Variants in SLC24A4 observed in about 807,000 individuals in gnomAD.
The protein encoded by SLC24A4 is sodium/potassium/calcium exchanger 4.
A neutral mutation model predicts 79.0 loss-of-function variants in SLC24A4; 53 were observed. The observed-to-expected ratio is 0.67, with a 90% CI of 0.54 to 0.84. SLC24A4 has a LOEUF of 0.84. Among genes scored for constraint, SLC24A4 ranks in the 40% least tolerant of loss-of-function variants. SLC24A4 has a pLI of 0.00. For missense variants in SLC24A4, 731 were observed against 822.0 expected, an observed-to-expected ratio of 0.89 and a Z score of 1.35; for synonymous variants, 323 against 323.8, an observed-to-expected ratio of 1.00 and a Z score of 0.03.
intron 2 of SLC24A4, among the ~76,000 whole-genome samples, chr14:92,391,368 C>T (rs1400533452): frequency 3.9e-5 from 6 of 152,168 alleles, no homozygotes; most frequent in African/African-American, 9.7e-5. Flanking sequence ...TGTGCCAACC[C>T]CAGGGTCTCC....
chr14:92,483,632 C>T (rs931839386), intron 13 of SLC24A4: 17 of 804,758 alleles, frequency 2.1e-5, no homozygotes, highest in African/African-American at 1.8e-4. Context: ...AACCTTTCAT[C>T]GGCTGGGCTG....
chr14:92,420,614 C>T (rs1389308298), intron 2 of SLC24A4, among the ~76,000 whole-genome samples: 1 of 152,200 alleles, frequency 6.6e-6, no homozygotes. Flanking sequence ...ACATCATGAT[C>T]AACAGCAGTA....
chr14:92,351,510 A>G (rs1473753937), intron 2 of SLC24A4, among the ~76,000 whole-genome samples: 1 of 152,242 alleles, frequency 6.6e-6, no homozygotes, highest in African/African-American at 2.4e-5. Flanking sequence ...CCACTAAATG[A>G]GCAAGACACA....
intron 2 of SLC24A4, among the ~76,000 whole-genome samples, chr14:92,414,505 G>A (rs534598181): frequency 6.6e-6 from 1 of 152,348 alleles, no homozygotes; most frequent in Admixed American, 6.5e-5. Context: ...GGAGGCCAAA[G>A]TGGGAGGATC....
chr14:92,382,843 C>T (rs1217421086), intron 2 of SLC24A4, among the ~76,000 whole-genome samples: 1 of 152,192 alleles, frequency 6.6e-6, no homozygotes, highest in Non-Finnish European at 1.5e-5. Context: ...CCCTGGGCAC[C>T]CTGCCCTCCA....
At chr14:92,363,184 G>A (rs1015174885) in intron 2 of SLC24A4, among the ~76,000 whole-genome samples, 4 of 152,328 alleles carry the variant, frequency 2.6e-5, no homozygotes, top group South Asian at 2.1e-4. Context: ...CTTCCAGCCC[G>A]TGCCTCGAGG....
intron 2 of SLC24A4, among the ~76,000 whole-genome samples, chr14:92,345,986 C>T (rs1365246891): frequency 6.6e-6 from 1 of 151,992 alleles, no homozygotes; most frequent in East Asian, 1.9e-4. Context: ...GCTTGGGGAC[C>T]TAAAATCAGG....
chr14:92,447,272 A>C, intron 8 of SLC24A4, 99 bp from the exon 9 acceptor site: 1 of 1,068,286 alleles, frequency 9.4e-7, no homozygotes, highest in Non-Finnish European at 1.4e-6. Context: ...CGGGGGAGGT[A>C]AAGACATCCC....
At chr14:92,458,262 CAG>C (rs1893596535) in intron 12 of SLC24A4, among the ~76,000 whole-genome samples, 1 of 152,206 alleles carries the variant, frequency 6.6e-6, no homozygotes, top group South Asian at 2.1e-4. Flanking sequence ...AGAGCAGACT[CAG>C]AAAATGAAAT....
rs77125341 is a variant in SLC24A4 at position 92,466,710 on chromosome 14, C to T, written c.1255+10102C>T. ...GCTCTAATCTGACAGTTGACACCTG[C>T]CCACTGGTAAGTAGCAGAGGGACTT... is the stretch of plus-strand genomic sequence containing the variant. On this transcript the variant is annotated intron_variant, in intron 12 of 16. Transcript: ENST00000532405. 3.8e-3 allele frequency among the ~76,000 whole-genome samples: 576 copies of T among 152,276 alleles called. 3 individuals are homozygous for T. The highest frequency in any genetic ancestry group is 0.013 in the African/African-American group (556 of 41,546).
chr14:92,349,584 T>G (rs1186215760), intron 2 of SLC24A4, among the ~76,000 whole-genome samples: 1 of 152,236 alleles, frequency 6.6e-6, no homozygotes, highest in Non-Finnish European at 1.5e-5. Flanking sequence ...TCACCTTGTT[T>G]TCTTTCCCCA....
chr14:92,396,632 C>G (rs1384419120), intron 2 of SLC24A4, among the ~76,000 whole-genome samples: 1 of 152,226 alleles, frequency 6.6e-6, no homozygotes, highest in African/African-American at 2.4e-5. Flanking sequence ...CCTGCTGCTG[C>G]TTTGCCGCAA....
intron 2 of SLC24A4, among the ~76,000 whole-genome samples, chr14:92,428,498 G>A (rs1229833207): frequency 2.0e-5 from 3 of 152,224 alleles, no homozygotes; most frequent in Non-Finnish European, 2.9e-5. Flanking sequence ...CACAACATAT[G>A]AGGAAGGAGG....
intron 2 of SLC24A4, among the ~76,000 whole-genome samples, chr14:92,422,169 C>T (rs1273773206): frequency 2.3e-4 from 35 of 152,202 alleles, no homozygotes; most frequent in Non-Finnish European, 2.9e-5. Context: ...TTTTCAGAAT[C>T]TAGAACAGTG....
chr14:92,383,596 G>A (rs554048338), intron 2 of SLC24A4, among the ~76,000 whole-genome samples: 12 of 152,288 alleles, frequency 7.9e-5, no homozygotes, highest in Non-Finnish European at 1.5e-4. Flanking sequence ...TAGTGCCAAC[G>A]TGCTTGCTTC....
rs905634660 is a variant in SLC24A4, at chr14:92,497,295, A to G, written c.*3667A>G. The G allele has an allele frequency of 8.5e-5, 13 of 152,266 alleles. No individual in the cohort carries two copies. The highest frequency in any genetic ancestry group is 2.6e-4 in the Admixed American group (4 of 15,286). 9.4% of individuals were successfully genotyped at this position (152,266 alleles called of 1,614,324 possible). On this transcript the variant is annotated 3_prime_UTR_variant, in exon 17 of 17. Transcript: ENST00000532405. ...ACCAAAGGCCGTTCCTGGGCGGCCCAAGGTCCAGGTTTCTTCCACCTGCTC... is the reference window on the plus strand; with the variant it reads ...ACCAAAGGCCGTTCCTGGGCGGCCCGAGGTCCAGGTTTCTTCCACCTGCTC...
At chr14:92,390,714 G>A (rs1243666402) in intron 2 of SLC24A4, among the ~76,000 whole-genome samples, 1 of 152,130 alleles carries the variant, frequency 6.6e-6, no homozygotes, top group Non-Finnish European at 1.5e-5. Flanking sequence ...AGGCCGGCTG[G>A]CAGCATTTTA....
At chr14:92,439,059 T>C (rs1023668554) in intron 3 of SLC24A4, among the ~76,000 whole-genome samples, 1 of 152,220 alleles carries the variant, frequency 6.6e-6, no homozygotes, top group African/African-American at 2.4e-5. Context: ...AGACCAAATA[T>C]ATGTTTCTTA....
At chr14:92,483,342 A>G (rs1895168859) in intron 13 of SLC24A4, among the ~76,000 whole-genome samples, 1 of 152,180 alleles carries the variant, frequency 6.6e-6, no homozygotes, top group Admixed American at 6.5e-5. Context: ...TAACAGCCCC[A>G]TGGGATGGGT....
Sources: allele counts gnomAD v4.1 joint callset (sites outside exome capture counted in the v4.1 genomes callset), GRCh38; gene constraint gnomAD v4.1.1; transcripts MANE v1.5; gene names NCBI Gene and HGNC (gene_info 2026-07-23, HGNC 2026-07-21).